CHORDC1: variants seen among roughly 807,000 people sequenced by gnomAD.
CHORDC1 encodes cysteine and histidine rich domain containing 1.
A neutral mutation model predicts 48.3 loss-of-function variants in CHORDC1; 25 were observed. That is an observed-to-expected ratio of 0.52 (90% CI 0.38 to 0.72). The LOEUF (loss-of-function observed/expected upper bound fraction) is 0.72. Among genes scored for constraint, CHORDC1 ranks in the 30% least tolerant of loss-of-function variants. The pLI is 0.00. For synonymous variants in CHORDC1, 128 were observed against 126.4 expected (o/e 1.01, Z -0.09); for missense variants, 317 against 388.7 (o/e 0.82, Z 1.55).
At chr11:90,218,474 C>T (rs1006981860) in intron 1 of CHORDC1, among the ~76,000 whole-genome samples, 1 of 151,836 alleles carries the variant, frequency 6.6e-6, no homozygotes, top group African/African-American at 2.4e-5. Context: ...TGTTTAGTAC[C>T]AAAACTTCAA....
Position 90,203,390 on chromosome 11 carries a change from T to C in CHORDC1, c.707A>G (p.Gln236Arg). Reference protein sequence around the residue: ...KVVPCRHDWHQTGGEVTISVY... With the variant: ...KVVPCRHDWHRTGGEVTISVY... ...TGAAATGGTAACTTCACCTCCAGTC[T>C]GATGCCAGTCATGTCTACATGGAAC... The change falls in exon 9 of 11, where the codon CAG (glutamine) becomes CGG (arginine). Residue 236 changes from glutamine (Q) to arginine (R), a missense_variant. By Grantham distance (43) the Gln-to-Arg change is conservative. Coordinates refer to ENST00000320585, the MANE Select transcript of CHORDC1 (RefSeq NM_012124.3). The C allele has an allele frequency of 6.3e-7, 1 of 1,596,630 alleles. No homozygotes were observed. Among genetic ancestry groups the C allele is most frequent in the Non-Finnish European group, 8.6e-7 (1 of 1,168,088 alleles).
At chr11:90,214,558 T>C (rs376344244) in intron 3 of CHORDC1, among the ~76,000 whole-genome samples, 19,157 of 151,768 alleles carry the variant, frequency 0.13, 1,282 homozygotes, top group South Asian at 0.18. Flanking sequence ...TTATATGACC[T>C]TAAGCAAGAT....
intron 1 of CHORDC1, among the ~76,000 whole-genome samples, chr11:90,221,596 T>C (rs1018072629): frequency 2.0e-5 from 3 of 152,188 alleles, no homozygotes; most frequent in African/African-American, 7.2e-5. Context: ...CAGACATAAG[T>C]GCAATTAATG....
intron 4 of CHORDC1, chr11:90,213,582 G>T: frequency 2.0e-6 from 1 of 497,636 alleles, no homozygotes; most frequent in South Asian, 3.6e-5. Flanking sequence ...ATTAAAAATT[G>T]ACCAGTAGTA....
At chr11:90,207,475 T>C (rs1591051098) in intron 6 of CHORDC1, 1 of 152,208 alleles carries the variant, frequency 6.6e-6, no homozygotes, top group East Asian at 1.9e-4. Context: ...AACAAAATGA[T>C]GGACAAATTG....
At chr11:90,220,319 A>C (rs994505168) in intron 1 of CHORDC1, among the ~76,000 whole-genome samples, 8 of 152,220 alleles carry the variant, frequency 5.3e-5, no homozygotes, top group African/African-American at 1.9e-4. Context: ...AGAAAGTGTT[A>C]GGTATCTTCC....
chr11:90,209,872 C>G, intron 6 of CHORDC1, among the ~76,000 whole-genome samples: 1 of 152,274 alleles, frequency 6.6e-6, no homozygotes, highest in East Asian at 1.9e-4. Context: ...AAACCCTTCC[C>G]TAAAGCAAGT....
Position 90,201,248 on chromosome 11 carries a change from A to G in CHORDC1, c.*1157T>C, listed in dbSNP as rs767879241. 7 of 152,004 alleles carry G rather than the reference A, an allele frequency of 4.6e-5. No individual in the cohort carries two copies. Among genetic ancestry groups the G allele is most frequent in the Non-Finnish European group, 8.8e-5 (6 of 67,876 alleles). 9.4% of individuals were successfully genotyped at this position (152,004 alleles called of 1,614,324 possible). A position where few individuals can be genotyped will look rare whatever the true frequency, so the allele number is the denominator to read the frequency against. Reference sequence around the variant, plus strand: ...TTTTAAATCTACATAAGTTTAATTTATTCCCAAACTTTCTAAGTTCTTCCA... The same window carrying G: ...TTTTAAATCTACATAAGTTTAATTTGTTCCCAAACTTTCTAAGTTCTTCCA... On this transcript the variant is annotated 3_prime_UTR_variant, in exon 11 of 11. Coordinates refer to ENST00000320585, the MANE Select transcript of CHORDC1 (RefSeq NM_012124.3).
intron 6 of CHORDC1, chr11:90,206,975 A>G (rs1011647371): frequency 1.3e-4 from 45 of 342,748 alleles, no homozygotes; most frequent in African/African-American, 9.5e-4. Flanking sequence ...TCTCCTTAAG[A>G]TATTTCACAA....
intron 2 of CHORDC1, among the ~76,000 whole-genome samples, chr11:90,217,467 A>C (rs1858043573): frequency 6.6e-6 from 1 of 152,146 alleles, no homozygotes; most frequent in Non-Finnish European, 1.5e-5. Flanking sequence ...TAGCTGGAAA[A>C]CTCACAGGTC....
intron 2 of CHORDC1, 104 bp from the exon 3 acceptor site, chr11:90,215,334 T>C: frequency 1.6e-6 from 1 of 620,018 alleles, no homozygotes; most frequent in Non-Finnish European, 2.7e-6. Flanking sequence ...TGCAGTAACT[T>C]GCGTATAGAG....
chr11:90,215,244 G>C lies in CHORDC1; in HGVS notation c.115-14C>G. 6.5e-7 allele frequency: 1 copy of C among 1,533,402 alleles called. No individual in the cohort carries two copies. The highest frequency in any genetic ancestry group is 2.4e-5 in the East Asian group (1 of 41,812). 95.0% of individuals were successfully genotyped at this position (1,533,402 alleles called of 1,614,324 possible). A position where few individuals can be genotyped will look rare whatever the true frequency, so the allele number is the denominator to read the frequency against. ...GCAAGACCAACCCTATGAAAAACAA[G>C]AGAAGGAAACTAAAAACTCTATTTG... is the stretch of plus-strand genomic sequence containing the variant. On this transcript the variant is annotated splice_polypyrimidine_tract_variant and intron_variant, in intron 2 of 10. Coordinates refer to ENST00000320585, the MANE Select transcript of CHORDC1 (RefSeq NM_012124.3).
At chr11:90,214,672 G>A (rs1468418974) in intron 3 of CHORDC1, among the ~76,000 whole-genome samples, 1 of 152,026 alleles carries the variant, frequency 6.6e-6, no homozygotes, top group African/African-American at 2.4e-5. Flanking sequence ...CATTTGGCAG[G>A]TGATAACATT....
chr11:90,222,702 C>A (rs567747770), intron 1 of CHORDC1, 189 bp downstream of exon 1: 591 of 709,698 alleles, frequency 8.3e-4, no homozygotes, highest in Non-Finnish European at 1.3e-3. Context: ...GGGCGCTCGC[C>A]AAGGGAACGC....
chr11:90,203,297 G>A lies in CHORDC1; in HGVS notation c.789+11C>T, dbSNP rs1258555491. 6.4e-7 allele frequency: 1 copy of A among 1,565,046 alleles called. No homozygotes were observed. The highest frequency in any genetic ancestry group is 1.2e-5 in the South Asian group (1 of 83,422). ...AAAGAACTTTTACCCAAAATTATAAGATGTACTTACCAATGTGCTATTTGC... is the reference window on the plus strand; with the variant it reads ...AAAGAACTTTTACCCAAAATTATAAAATGTACTTACCAATGTGCTATTTGC... On this transcript the variant is annotated intron_variant, in intron 9 of 10. Transcript: ENST00000320585.
chr11:90,214,822 T>C (rs1379446177), intron 3 of CHORDC1, among the ~76,000 whole-genome samples: 1 of 152,088 alleles, frequency 6.6e-6, no homozygotes, highest in Non-Finnish European at 1.5e-5. Context: ...TGGTTTTATA[T>C]AAAAGTGGTA....
At chr11:90,219,923 C>G (rs184627670) in intron 1 of CHORDC1, among the ~76,000 whole-genome samples, 136 of 152,350 alleles carry the variant, frequency 8.9e-4, no homozygotes, top group African/African-American at 3.2e-3. Flanking sequence ...TTCAACCTTT[C>G]AAGTCTATTT....
Position 90,214,252 on chromosome 11 carries a change from A to C in CHORDC1, c.172-77T>G, listed in dbSNP as rs190510332. ...AGAAATATTATCTTTTCAGTTCTTT[A>C]TTGATAGTGATTCTATTTCATGTTT... On this transcript the variant is annotated intron_variant, in intron 3 of 10. Coordinates refer to ENST00000320585, the MANE Select transcript of CHORDC1 (RefSeq NM_012124.3). 2.5e-4 allele frequency: 265 copies of C among 1,042,272 alleles called. No individual in the cohort carries two copies. In the African/African-American group the frequency reaches 3.9e-3, roughly 15 times the overall value. The allele number at this position is 1,042,272 out of a possible 1,614,324, so 64.6% of individuals were successfully genotyped here. A position where few individuals can be genotyped will look rare whatever the true frequency, so the allele number is the denominator to read the frequency against.
chr11:90,215,153 G>C, intron 3 of CHORDC1, 21 bp downstream of exon 3: 1 of 1,346,730 alleles, frequency 7.4e-7, no homozygotes, highest in Non-Finnish European at 1.0e-6. Context: ...AGATAATCTA[G>C]AAAAAATAAT....
Sources: gnomAD v4.1 joint callset for allele counts (sites outside exome capture counted in the v4.1 genomes callset) on GRCh38, gnomAD v4.1.1 for gene constraint, MANE v1.5 for transcripts, NCBI Gene and HGNC (gene_info 2026-07-23, HGNC 2026-07-21) for gene names.